The following ZNF470 variants were observed in gnomAD, a reference collection of about 807,000 sequenced individuals.
The protein encoded by ZNF470 is zinc finger protein 470, also known as chondrogenesis zinc finger protein 1.
Under a neutral mutation model 13.9 loss-of-function variants are expected in ZNF470, and 13 were observed. The ratio of observed to expected loss-of-function variants is 0.94; its 90% CI spans 0.61 to 1.49. ZNF470 has a LOEUF of 1.49. Among genes scored for constraint, ZNF470 ranks in the 40% most tolerant of loss-of-function variants. ZNF470 has a pLI of 0.00. For missense variants in ZNF470, 929 were observed against 857.3 expected (o/e 1.08, Z -1.04); for synonymous variants, 293 against 282.9 (o/e 1.04, Z -0.36).
rs1555772221 is a variant in ZNF470 at position 56,572,371 on chromosome 19, AAT to A, written c.61-2005_61-2004del. ...AAAAAAAAAAAAAAAAAAAAAAAAA[AAT>A]ATATATATATATATATAAATTAGCC... On this transcript the variant is annotated intron_variant, in intron 3 of 5. Coordinates refer to ENST00000330619, the MANE Select transcript of ZNF470 (RefSeq NM_001001668.4). Among the ~76,000 whole-genome samples the A allele has an allele frequency of 8.4e-3, 144 of 17,232 alleles. 5 individuals carry two copies. The highest frequency in any genetic ancestry group is 9.8e-3 in the Non-Finnish European group (115 of 11,730). 11.3% of individuals were successfully genotyped at this position (17,232 alleles called of 152,430 possible).
chr19:56,570,369 C>T lies in ZNF470; in HGVS notation c.58C>T (p.Leu20=), dbSNP rs558506293. Reference sequence around the variant, plus strand: ...AATTAAACTTTGTAAAGCCATGTCCCTGGTGAGTTAGTATTCCCCCTCTCC... The same window carrying T: ...AATTAAACTTTGTAAAGCCATGTCCTTGGTGAGTTAGTATTCCCCCTCTCC... The part of the protein sequence containing the change: ...AGIKLCKAMS[L]GSVTFTDVAI... The change falls in exon 3 of 6, where the codon CTG becomes TTG. Residue 20 remains leucine, a splice_region_variant and synonymous_variant. Transcript: ENST00000330619. The T allele has an allele frequency of 5.0e-6, 8 of 1,614,000 alleles. No homozygotes were observed. The South Asian group carries it at 8.8e-5, about 18-fold the overall frequency.
At chr19:56,576,688 C>A in intron 5 of ZNF470, 25 bp from the exon 6 acceptor site, 1 of 1,370,184 alleles carries the variant, frequency 7.3e-7, no homozygotes, top group East Asian at 2.6e-5. Flanking sequence ...ATAAAGGAGA[C>A]ATTTACTTTC....
chr19:56,577,927 C>T lies in ZNF470; in HGVS notation c.1498C>T (p.Gln500Ter), dbSNP rs2044504062. Residue 500 changes from glutamine to a stop codon, truncating the protein, a stop_gained, in exon 6 of 6, where the codon CAG (glutamine) becomes TAG (stop). Coordinates refer to ENST00000330619, the MANE Select transcript of ZNF470 (RefSeq NM_001001668.4). LOFTEE classifies it low-confidence loss of function (END_TRUNC). ...GCAGAGCACGCATCTGGCTCATCAT[C>T]AGAGAATTCATACTGGAGAGAAACC... ...FRQSTHLAHH[Q>*]RIHTGEKPYE... 1.2e-6 allele frequency: 2 copies of T among 1,613,976 alleles called. No individual in the cohort carries two copies. Among genetic ancestry groups the T allele is most frequent in the Non-Finnish European group, 1.7e-6 (2 of 1,179,970 alleles).
chr19:56,572,706 C>T (rs921099401), intron 3 of ZNF470, among the ~76,000 whole-genome samples: 1 of 151,726 alleles, frequency 6.6e-6, no homozygotes, highest in African/African-American at 2.4e-5. Context: ...GATAATCAAA[C>T]TGCTGAAAAC....
chr19:56,579,163 T>A lies in ZNF470; in HGVS notation c.*580T>A, dbSNP rs1220721163. The A allele has an allele frequency of 1.0e-6, 1 of 984,968 alleles. No homozygotes were observed. Among genetic ancestry groups the A allele is most frequent in the Non-Finnish European group, 1.2e-6 (1 of 829,634 alleles). The allele number at this position is 984,968 out of a possible 1,614,324, so 61.0% of individuals were successfully genotyped here. On this transcript the variant is annotated 3_prime_UTR_variant, in exon 6 of 6. Transcript: ENST00000330619. ...TTAGCTGGGTGCGGTGGCTCATGCC[T>A]GTAGTCCCAGCACTTTGGGAGGCTG...
In ZNF470 at chr19:56,567,536, G is replaced by A. The variant is rs951765564; in HGVS notation, c.-661G>A. On this transcript the variant is annotated 5_prime_UTR_variant, in exon 1 of 6. Transcript: ENST00000330619. ...GGTTGCTGAGGAGAAGGGAGGTCTG[G>A]GCGGGGCAGCGGCCGAGGCTGGACT... 3 of 986,274 alleles carry A rather than the reference G, an allele frequency of 3.0e-6. No homozygotes were observed. Among genetic ancestry groups the A allele is most frequent in the Non-Finnish European group, 2.4e-6 (2 of 830,568 alleles). 61.1% of individuals were successfully genotyped at this position (986,274 alleles called of 1,614,324 possible).
chr19:56,572,100 C>T (rs1162164016), intron 3 of ZNF470, among the ~76,000 whole-genome samples: 1 of 150,868 alleles, frequency 6.6e-6, no homozygotes, highest in Admixed American at 6.6e-5. Context: ...CAGAATTTGT[C>T]ATAAAGGTTA....
Position 56,578,535 on chromosome 19 carries a change from GTCA to G in ZNF470, c.2110_2112del (p.Ser704del), listed in dbSNP as rs2044511146. 2.5e-6 allele frequency: 4 copies of G among 1,586,872 alleles called. No homozygotes were observed. Among genetic ancestry groups the G allele is most frequent in the Non-Finnish European group, 3.4e-6 (4 of 1,166,488 alleles). On this transcript the variant is annotated inframe_deletion, in exon 6 of 6. Transcript: ENST00000330619. ...ATCATCAGCGAATTCATACCGGAGA[GTCA>G]TCAGTTATTCTCTCCTCTGCCCTCC...
chr19:56,572,374 A>ATG (rs2044460072), intron 3 of ZNF470, among the ~76,000 whole-genome samples: 1 of 85,864 alleles, frequency 1.2e-5, no homozygotes, highest in African/African-American at 6.8e-5. Context: ...AAAAAAAAAT[A>ATG]TATATATATA....
At chr19:56,572,060 A>C (rs1381497472) in intron 3 of ZNF470, among the ~76,000 whole-genome samples, 3 of 151,830 alleles carry the variant, frequency 2.0e-5, no homozygotes, top group Non-Finnish European at 4.4e-5. Flanking sequence ...CATTCATGTC[A>C]GTTGCCAGAG....
chr19:56,575,372 ATTAC>A (rs960394393), intron 5 of ZNF470, among the ~76,000 whole-genome samples: 2 of 151,360 alleles, frequency 1.3e-5, no homozygotes, highest in African/African-American at 4.9e-5. Flanking sequence ...GCTCATGAAT[ATTAC>A]TTTCTTTCCC....
Position 56,578,273 on chromosome 19 carries a change from A to G in ZNF470, c.1844A>G (p.His615Arg), listed in dbSNP as rs1454472209. 45 of 1,613,578 alleles carry G rather than the reference A, an allele frequency of 2.8e-5. No individual in the cohort carries two copies. Among genetic ancestry groups the G allele is most frequent in the Admixed American group, 6.7e-5 (4 of 59,962 alleles). Residue 615 changes from histidine (H) to arginine (R), a missense_variant, in exon 6 of 6, where the codon CAT becomes CGT. His to Arg is a conservative substitution (Grantham distance 29). Coordinates refer to ENST00000330619, the MANE Select transcript of ZNF470 (RefSeq NM_001001668.4). ...RASLICHQRC[H>R]TGEKPYECNV... ...TCCTTGATTTGTCATCAGAGATGTC[A>G]TACTGGTGAGAAACCTTATGAATGT... is the stretch of plus-strand genomic sequence containing the variant.
Position 56,572,340 on chromosome 19 carries a change from CAAAAAAAAAAAAAA to C in ZNF470, c.60+1988_60+2001del, listed in dbSNP as rs564410370. Among the ~76,000 whole-genome samples the C allele has an allele frequency of 1.3e-3, 22 of 16,408 alleles. 1 individual carries two copies. Among genetic ancestry groups the C allele is most frequent in the African/African-American group, 0.01 (14 of 1,376 alleles). 10.8% of individuals were successfully genotyped at this position (16,408 alleles called of 152,430 possible). ...CCAACATGGTGAAACCCTGTCTCTA[CAAAAAAAAAAAAAA>C]AAAAAAAAAAAAAAAAAATATATAT... On this transcript the variant is annotated intron_variant, in intron 3 of 5. Coordinates refer to ENST00000330619, the MANE Select transcript of ZNF470 (RefSeq NM_001001668.4).
Position 56,582,277 on chromosome 19 carries a change from A to T in ZNF470, c.*3694A>T. On this transcript the variant is annotated 3_prime_UTR_variant, in exon 6 of 6. Transcript: ENST00000330619. Reference sequence around the variant, plus strand: ...AATGCTGAATCCAAAAGGTATATGTAATACTGGTATCTAACTGCTTGGAAT... The same window carrying T: ...AATGCTGAATCCAAAAGGTATATGTTATACTGGTATCTAACTGCTTGGAAT... The T allele has an allele frequency of 1.0e-6, 1 of 985,346 alleles. No homozygotes were observed. Among genetic ancestry groups the T allele is most frequent in the Non-Finnish European group, 1.2e-6 (1 of 829,918 alleles). The allele number at this position is 985,346 out of a possible 1,614,324, so 61.0% of individuals were successfully genotyped here.
In ZNF470 at chr19:56,581,849, G is replaced by T; in HGVS notation, c.*3266G>T. On this transcript the variant is annotated 3_prime_UTR_variant, in exon 6 of 6. Coordinates refer to ENST00000330619, the MANE Select transcript of ZNF470 (RefSeq NM_001001668.4). ...GTCTCTGAATTTCAAAAGGCATTTGGATCTGTGTCATCCAATGGCAACTCC... is the reference window on the plus strand; with the variant it reads ...GTCTCTGAATTTCAAAAGGCATTTGTATCTGTGTCATCCAATGGCAACTCC... 1 of 985,312 alleles carries T rather than the reference G, an allele frequency of 1.0e-6. No individual in the cohort carries two copies. The allele number at this position is 985,312 out of a possible 1,614,324, so 61.0% of individuals were successfully genotyped here.
chr19:56,568,730 G>A (rs1229105168), intron 1 of ZNF470, 28 bp from the exon 2 acceptor site: 2 of 152,198 alleles, frequency 1.3e-5, no homozygotes, highest in East Asian at 1.9e-4. Context: ...ACATTATGAA[G>A]TAGGAACTAC....
chr19:56,575,859 CA>C (rs755156828), intron 5 of ZNF470, among the ~76,000 whole-genome samples: 9 of 151,966 alleles, frequency 5.9e-5, no homozygotes, highest in Non-Finnish European at 1.3e-4. Context: ...TAATGAAAAT[CA>C]GTAAGCATCT....
rs1017081668 is a variant in ZNF470 at position 56,580,132 on chromosome 19, G to A, written c.*1549G>A. On this transcript the variant is annotated 3_prime_UTR_variant, in exon 6 of 6. Transcript: ENST00000330619. ...AAGAAGCTAGGGAGTGCTGGATCAG[G>A]CACCTTACTATCCCCAGAACATGTT... The A allele has an allele frequency of 2.0e-6, 2 of 984,650 alleles. No homozygotes were observed. The highest frequency in any genetic ancestry group is 2.4e-6 in the Non-Finnish European group (2 of 829,270). 61.0% of individuals were successfully genotyped at this position (984,650 alleles called of 1,614,324 possible).
rs890506965 is a variant in ZNF470 at position 56,570,112 on chromosome 19, G to A, written c.-32-168G>A. Reference sequence around the variant, plus strand: ...CATCCTGAAAACCCAGAGCAGAGGGGAACCCCAGCTATATATTTCAAGTCT... The same window carrying A: ...CATCCTGAAAACCCAGAGCAGAGGGAAACCCCAGCTATATATTTCAAGTCT... On this transcript the variant is annotated intron_variant, in intron 2 of 5. Coordinates refer to ENST00000330619, the MANE Select transcript of ZNF470 (RefSeq NM_001001668.4). The A allele has an allele frequency of 1.6e-5, 9 of 557,756 alleles. No homozygotes were observed. The African/African-American group carries it at 1.7e-4, about 11-fold the overall frequency. 34.6% of individuals were successfully genotyped at this position (557,756 alleles called of 1,614,324 possible). A position where few individuals can be genotyped will look rare whatever the true frequency, so the allele number is the denominator to read the frequency against.
Sources: gnomAD v4.1 joint callset for allele counts (sites outside exome capture counted in the v4.1 genomes callset) on GRCh38, gnomAD v4.1.1 for gene constraint, MANE v1.5 for transcripts, NCBI Gene and HGNC (gene_info 2026-07-23, HGNC 2026-07-21) for gene names.